INSL6: variants seen among roughly 807,000 people sequenced by gnomAD.
The protein encoded by INSL6 is insulin like 6, also known as insulin-like peptide INSL6.
In INSL6, 16 loss-of-function variants were observed where a neutral mutation model predicts 9.4. That is an observed-to-expected ratio of 1.70 (90% confidence interval 1.15 to 2.59). The LOEUF is 2.59. Ranked by LOEUF, INSL6 falls within the 30% of genes most tolerant of loss-of-function variation. The pLI, the probability that INSL6 is intolerant of heterozygous loss-of-function variation, is 0.00. For synonymous variants in INSL6, 154 were observed against 96.9 expected (o/e 1.59, Z -3.46); for missense variants, 391 against 257.3 (o/e 1.52, Z -3.56).
rs186588277 is a variant in INSL6, at chr9:5,152,974, G to A, written c.376+11205C>T. 1.4e-3 allele frequency among the ~76,000 whole-genome samples: 218 copies of A among 152,224 alleles called. 1 individual carries two copies. Among genetic ancestry groups the A allele is most frequent in the African/African-American group, 5.1e-3 (211 of 41,546 alleles). On this transcript the variant is annotated intron_variant, in intron 2 of 3. Transcript: ENST00000649639. ...AGGGAACTCCCTCTCCAAGTCAAGC[G>A]AAGCCATTAGGGACTGTACCCTGCA...
chr9:5,163,451 C>T (rs1194135290), downstream of INSL6, among the ~76,000 whole-genome samples: 1 of 152,130 alleles, frequency 6.6e-6, no homozygotes, highest in African/African-American at 2.4e-5. Flanking sequence ...AGAAGTGTAA[C>T]TACTATTACA....
At chr9:5,013,305 T>A in the INSL6 span, among the ~76,000 whole-genome samples, 5 of 152,240 alleles carry the variant, frequency 3.3e-5, no homozygotes, top group African/African-American at 1.2e-4. Context: ...ACCAAAGTAG[T>A]ATAGGAATAA....
the INSL6 span, among the ~76,000 whole-genome samples, chr9:5,106,506 T>C: frequency 6.6e-6 from 1 of 152,166 alleles, no homozygotes; most frequent in Non-Finnish European, 1.5e-5. Flanking sequence ...TCCTCAAGGA[T>C]CTAGAACTAG....
At chr9:5,130,016 CT>C (rs1564032508) in intron 3 of INSL6, among the ~76,000 whole-genome samples, 1 of 152,060 alleles carries the variant, frequency 6.6e-6, no homozygotes, top group African/African-American at 2.4e-5. Flanking sequence ...ATGTTTCATT[CT>C]TTTTTATAGT....
At chr9:5,044,330 G>A in the INSL6 span, 47 of 874,932 alleles carry the variant, frequency 5.4e-5, no homozygotes, top group Non-Finnish European at 8.2e-5. Flanking sequence ...TATGCTGTAG[G>A]TGACTATATA....
intron 1 of INSL6, among the ~76,000 whole-genome samples, chr9:5,184,096 C>G (rs1438235701): frequency 3.3e-5 from 5 of 152,160 alleles, no homozygotes; most frequent in Non-Finnish European, 7.4e-5. Flanking sequence ...CTCATGGTTT[C>G]TGTCTTTAAA....
At chr9:5,101,557 C>A in the INSL6 span, among the ~76,000 whole-genome samples, 1 of 152,252 alleles carries the variant, frequency 6.6e-6, no homozygotes, top group Non-Finnish European at 1.5e-5. Flanking sequence ...TGAGCTCTGA[C>A]AATGGACAGA....
intron 2 of INSL6, among the ~76,000 whole-genome samples, chr9:5,156,209 T>C (rs1824812772): frequency 6.6e-6 from 1 of 152,204 alleles, no homozygotes; most frequent in Non-Finnish European, 1.5e-5. Context: ...AAAAATTTAA[T>C]TTGTAATTAA....
chr9:5,180,404 G>C (rs1464228645), intron 1 of INSL6, among the ~76,000 whole-genome samples: 3 of 152,198 alleles, frequency 2.0e-5, no homozygotes, highest in Non-Finnish European at 4.4e-5. Context: ...TGGGCAAAAA[G>C]AGCCATATTT....
At chr9:5,073,828 C>T in the INSL6 span, 5 of 1,284,024 alleles carry the variant, frequency 3.9e-6, no homozygotes, top group Admixed American at 3.6e-5. Context: ...CTCAGAGCAT[C>T]TGTTTTTGTT....
chr9:4,997,139 T>A, the INSL6 span, among the ~76,000 whole-genome samples: 1 of 151,884 alleles, frequency 6.6e-6, no homozygotes, highest in Non-Finnish European at 1.5e-5. Flanking sequence ...ACCGTGTCAC[T>A]CAGTCTGGTC....
At chr9:5,042,596 C>A in the INSL6 span, among the ~76,000 whole-genome samples, 1 of 143,158 alleles carries the variant, frequency 7.0e-6, no homozygotes, top group African/African-American at 2.8e-5. Flanking sequence ...GCCCCCAGGG[C>A]TGAGGCCCAG....
At chr9:5,090,875 ATAAAGTAAAAGAACCTGGTGAAAG>A in the INSL6 span, 1 of 1,609,516 alleles carries the variant, frequency 6.2e-7, no homozygotes, top group Non-Finnish European at 8.5e-7. Flanking sequence ...AAAGAATACT[ATAAAGTAAAAGAACCTGGTGAAAG>A]TCCCATATTC....
the INSL6 span, chr9:5,077,522 T>C: frequency 2.0e-6 from 3 of 1,477,560 alleles, no homozygotes; most frequent in Admixed American, 4.4e-5. Context: ...AAAAATTGTA[T>C]AAATATATTA....
At chr9:5,011,632 G>A in the INSL6 span, among the ~76,000 whole-genome samples, 1 of 151,980 alleles carries the variant, frequency 6.6e-6, no homozygotes, top group East Asian at 1.9e-4. Flanking sequence ...TCTGCTTTGG[G>A]TCCATTTCTA....
At chr9:5,105,317 G>T in the INSL6 span, among the ~76,000 whole-genome samples, 1 of 152,136 alleles carries the variant, frequency 6.6e-6, no homozygotes, top group Non-Finnish European at 1.5e-5. Context: ...TTGCTACAAA[G>T]AGAATAAAAT....
chr9:5,037,019 A>C, the INSL6 span, among the ~76,000 whole-genome samples: 2 of 152,304 alleles, frequency 1.3e-5, no homozygotes, highest in South Asian at 4.1e-4. Flanking sequence ...TTTACAAGAA[A>C]ACAACAACCC....
At chr9:5,085,741 C>T in the INSL6 span, 692 of 752,716 alleles carry the variant, frequency 9.2e-4, 8 homozygotes, top group South Asian at 8.8e-3. Flanking sequence ...AAGGCTGTGG[C>T]GCGCTGGCTA....
At chr9:5,152,046 T>C (rs1824723260) in intron 2 of INSL6, among the ~76,000 whole-genome samples, 1 of 152,230 alleles carries the variant, frequency 6.6e-6, no homozygotes, top group Admixed American at 6.5e-5. Context: ...AAAAATGATA[T>C]GCAGCTAGCA....
Sources: gnomAD v4.1 joint callset for allele counts (sites outside exome capture counted in the v4.1 genomes callset) on GRCh38, gnomAD v4.1.1 for gene constraint, MANE v1.5 for transcripts, NCBI Gene and HGNC (gene_info 2026-07-23, HGNC 2026-07-21) for gene names.